The following EFCAB8 variants were observed in gnomAD, a reference collection of about 807,000 sequenced individuals.
EFCAB8 encodes EF-hand calcium-binding domain-containing protein 8.
A neutral mutation model predicts 116.3 loss-of-function variants in EFCAB8; 100 were observed. The observed-to-expected ratio is 0.86, with a 90% CI of 0.73 to 1.02. EFCAB8 has a LOEUF of 1.02. EFCAB8 is among the 50% of genes least tolerant of loss of function. EFCAB8 has a pLI of 0.00. For missense variants in EFCAB8, 1,320 were observed against 1,416.9 expected (o/e 0.93, Z 1.10); for synonymous variants, 558 against 567.9 (o/e 0.98, Z 0.25).
chr20:32,948,681 A>G (rs1052885729), intron 23 of EFCAB8, among the ~76,000 whole-genome samples: 4 of 152,302 alleles, frequency 2.6e-5, no homozygotes, highest in Non-Finnish European at 5.9e-5. Context: ...AGCAATGATC[A>G]CATAGGGTTT....
intron 5 of EFCAB8, among the ~76,000 whole-genome samples, chr20:32,885,206 C>T (rs754075484): frequency 6.6e-6 from 1 of 152,196 alleles, no homozygotes; most frequent in African/African-American, 2.4e-5. Context: ...TGTCCCATCA[C>T]GTCGCGAGGA....
At chr20:32,925,767 C>G (rs1987645916) in intron 20 of EFCAB8, among the ~76,000 whole-genome samples, 1 of 152,228 alleles carries the variant, frequency 6.6e-6, no homozygotes, top group South Asian at 2.1e-4. Flanking sequence ...CCGTGAGTAG[C>G]TTGCCATGGC....
At chr20:32,915,960 C>T (rs1987166888) in intron 17 of EFCAB8, among the ~76,000 whole-genome samples, 1 of 152,216 alleles carries the variant, frequency 6.6e-6, no homozygotes, top group East Asian at 1.9e-4. Context: ...GCATGAGCCA[C>T]CCTGCCCAGC....
intron 23 of EFCAB8, among the ~76,000 whole-genome samples, chr20:32,946,787 A>G (rs1211829357): frequency 6.6e-6 from 1 of 152,242 alleles, no homozygotes; most frequent in Non-Finnish European, 1.5e-5. Flanking sequence ...ATGTCTCCTC[A>G]TAGTAAACTC....
intron 3 of EFCAB8, 23 bp downstream of exon 3, chr20:32,867,770 G>T: frequency 1.3e-6 from 2 of 1,547,486 alleles, no homozygotes; most frequent in South Asian, 2.4e-5. Context: ...TGTAGGCTCG[G>T]TTTTTGTGTG....
rs1362579498 is a variant in EFCAB8, at chr20:32,898,565, A to G, written c.1030A>G (p.Ile344Val). The change falls in exon 11 of 27, where the codon ATC becomes GTC. Residue 344 changes from isoleucine to valine, a missense_variant. Transcript: ENST00000400522. ...GAATGTGGTAGTCTCCTGTTCAGCCATCGAGAAGTCCTCTCTGGTGCTGAC... is the reference window on the plus strand; with the variant it reads ...GAATGTGGTAGTCTCCTGTTCAGCCGTCGAGAAGTCCTCTCTGGTGCTGAC... ...QMNVVVSCSA[I>V]EKSSLVLTIL... The G allele has an allele frequency of 4.2e-6, 3 of 718,694 alleles. No homozygotes were observed. Among genetic ancestry groups the G allele is most frequent in the Non-Finnish European group, 7.8e-6 (3 of 385,118 alleles). The allele number at this position is 718,694 out of a possible 1,614,324, so 44.5% of individuals were successfully genotyped here.
intron 17 of EFCAB8, among the ~76,000 whole-genome samples, chr20:32,916,125 T>C (rs1048197998): frequency 6.6e-6 from 1 of 152,220 alleles, no homozygotes; most frequent in Non-Finnish European, 1.5e-5. Context: ...AATTATTTCT[T>C]ATAGTTCTGG....
chr20:32,942,818 A>G (rs1485862523), intron 22 of EFCAB8, among the ~76,000 whole-genome samples: 3 of 152,122 alleles, frequency 2.0e-5, no homozygotes, highest in Non-Finnish European at 4.4e-5. Flanking sequence ...GTGTAAGATA[A>G]AAGATAACAA....
In EFCAB8 at chr20:32,930,686, A is replaced by G. The variant is rs1016264896; in HGVS notation, c.2631+70A>G. On this transcript the variant is annotated intron_variant, in intron 21 of 26. Coordinates refer to ENST00000400522, the MANE Select transcript of EFCAB8 (RefSeq NM_001143967.2). ...AGTGTTCGGCCATCTCTTTGCTCAC[A>G]TGGCCCTTGCCTAGTTCCTACTCTG... is the stretch of plus-strand genomic sequence containing the variant. The G allele has an allele frequency of 5.6e-6, 8 of 1,433,850 alleles. No homozygotes were observed. The East Asian group carries it at 9.9e-5, about 18-fold the overall frequency. 88.8% of individuals were successfully genotyped at this position (1,433,850 alleles called of 1,614,324 possible).
intron 23 of EFCAB8, among the ~76,000 whole-genome samples, chr20:32,945,601 C>T (rs761183306): frequency 1.6e-4 from 25 of 152,246 alleles, no homozygotes; most frequent in Non-Finnish European, 2.4e-4. Context: ...ATTTCTTTAG[C>T]GGCAGTTTCT....
Position 32,961,496 on chromosome 20 carries a change from CTGCAGGGGTCAG to C in EFCAB8, c.3757_3768del (p.Gln1253_Val1256del). 1 of 1,444,552 alleles carries C rather than the reference CTGCAGGGGTCAG, an allele frequency of 6.9e-7. No homozygotes were observed. The highest frequency in any genetic ancestry group is 9.1e-7 in the Non-Finnish European group (1 of 1,095,342). The allele number at this position is 1,444,552 out of a possible 1,614,324, so 89.5% of individuals were successfully genotyped here. A position where few individuals can be genotyped will look rare whatever the true frequency, so the allele number is the denominator to read the frequency against. ...CCCATCCCCGGTGTCCAAGTCCACC[CTGCAGGGGTCAG>C]TGACCCCCAAGCACATTGTCTCCTC... On this transcript the variant is annotated inframe_deletion, in exon 27 of 27. Transcript: ENST00000400522.
intron 3 of EFCAB8, among the ~76,000 whole-genome samples, chr20:32,875,064 T>C (rs183797742): frequency 1.1e-4 from 17 of 152,128 alleles, no homozygotes; most frequent in African/African-American, 3.9e-4. Context: ...CTCCTTTTCT[T>C]TGGAGAGTTT....
At chr20:32,915,824 A>G (rs1267745052) in intron 17 of EFCAB8, among the ~76,000 whole-genome samples, 1 of 152,010 alleles carries the variant, frequency 6.6e-6, no homozygotes, top group Non-Finnish European at 1.5e-5. Context: ...AGTGTGTGCC[A>G]CCACACCTGG....
chr20:32,894,495 A>C (rs1264755406), intron 9 of EFCAB8, among the ~76,000 whole-genome samples: 1 of 152,310 alleles, frequency 6.6e-6, no homozygotes, highest in East Asian at 1.9e-4. Flanking sequence ...CCACATGGTG[A>C]ATGGGATATT....
intron 23 of EFCAB8, among the ~76,000 whole-genome samples, chr20:32,955,265 C>G (rs1056888846): frequency 3.3e-5 from 5 of 152,212 alleles, no homozygotes; most frequent in Non-Finnish European, 5.9e-5. Flanking sequence ...CCCTGCTGGG[C>G]TCAGTGGCTC....
chr20:32,938,873 C>A (rs558080226), intron 22 of EFCAB8, among the ~76,000 whole-genome samples: 2 of 149,562 alleles, frequency 1.3e-5, no homozygotes, highest in Non-Finnish European at 3.0e-5. Context: ...CAATTTATAT[C>A]AAAATCCCAG....
rs1469594544 is a variant in EFCAB8 at position 32,906,639 on chromosome 20, C to CT, written c.1156+12dup. ...GACAGGAACTTCCTGGGTAAGTCAC[C>CT]TTCATGTCACCCAGAAGCTGCTGGG... On this transcript the variant is annotated intron_variant, in intron 12 of 26. Transcript: ENST00000400522. The CT allele has an allele frequency of 1.4e-6, 1 of 718,102 alleles. No individual in the cohort carries two copies. The highest frequency in any genetic ancestry group is 2.6e-6 in the Non-Finnish European group (1 of 385,114). The allele number at this position is 718,102 out of a possible 1,614,324, so 44.5% of individuals were successfully genotyped here. A position where few individuals can be genotyped will look rare whatever the true frequency, so the allele number is the denominator to read the frequency against.
chr20:32,893,546 G>A (rs1200603952), intron 9 of EFCAB8, among the ~76,000 whole-genome samples: 1 of 152,184 alleles, frequency 6.6e-6, no homozygotes, highest in South Asian at 2.1e-4. Context: ...CTGTGCGGGT[G>A]CGGTCTGGGG....
intron 5 of EFCAB8, among the ~76,000 whole-genome samples, chr20:32,884,686 C>G (rs561592958): frequency 6.6e-6 from 1 of 152,314 alleles, no homozygotes; most frequent in African/African-American, 2.4e-5. Context: ...AGTTCCAGCC[C>G]TGCTAGTAAA....
Sources: allele counts gnomAD v4.1 joint callset (sites outside exome capture counted in the v4.1 genomes callset), GRCh38; gene constraint gnomAD v4.1.1; transcripts MANE v1.5; gene names NCBI Gene and HGNC (gene_info 2026-07-23, HGNC 2026-07-21).